Variants in ANKRD28 observed in about 807,000 individuals in gnomAD.
ANKRD28 encodes the protein ankyrin repeat domain 28.
A neutral mutation model predicts 126.5 loss-of-function variants in ANKRD28; 44 were observed. The ratio of observed to expected loss-of-function variants is 0.35; its 90% CI spans 0.27 to 0.45. ANKRD28 has a LOEUF of 0.45. Among genes scored for constraint, ANKRD28 ranks in the 20% least tolerant of loss-of-function variants. The pLI is 1.00. For missense variants in ANKRD28, 1,110 were observed against 1,316.6 expected (o/e 0.84, Z 2.43); for synonymous variants, 442 against 468.5 (o/e 0.94, Z 0.73).
chr3:15,680,543 G>A (rs1334625547), intron 21 of ANKRD28, among the ~76,000 whole-genome samples: 1 of 152,030 alleles, frequency 6.6e-6, no homozygotes, highest in East Asian at 1.9e-4. Flanking sequence ...GAGCTTCACA[G>A]TATCAAAGTA....
At chr3:15,743,550 A>G (rs1208117502) in intron 4 of ANKRD28, among the ~76,000 whole-genome samples, 15 of 54,058 alleles carry the variant, frequency 2.8e-4, no homozygotes, top group African/African-American at 1.2e-3. Context: ...TTTTTAACAC[A>G]CACACACACA....
At chr3:15,714,255 T>C (rs972515419) in intron 9 of ANKRD28, among the ~76,000 whole-genome samples, 6 of 152,124 alleles carry the variant, frequency 3.9e-5, no homozygotes, top group African/African-American at 1.4e-4. Context: ...ATAATGTATA[T>C]ACAGAGTACA....
At position 15,816,693 on chromosome 3, in the gene ANKRD28, A is replaced by G. The variant is rs1016629024; in HGVS notation, c.28-21387T>C. 5.9e-5 allele frequency among the ~76,000 whole-genome samples: 9 copies of G among 152,242 alleles called. No homozygotes were observed. The highest frequency in any genetic ancestry group is 2.2e-4 in the African/African-American group (9 of 41,466). ...AGTTACATGAAACTGAAAAATGTAT[A>G]AGAGCATCTTTTCATATAAAATTAT... On this transcript the variant is annotated intron_variant, in intron 1 of 27. Coordinates refer to the ANKRD28 transcript ENST00000399451. This position sits in a 1 kb window ranked among gnomAD's most constrained non-coding sequence, Gnocchi z 5.0.
intron 15 of ANKRD28, 104 bp downstream of exon 15, chr3:15,696,027 TAAA>T (rs2069498941): frequency 1.2e-6 from 1 of 805,684 alleles, no homozygotes; most frequent in Admixed American, 2.9e-5. Flanking sequence ...CTGAAAATGT[TAAA>T]AAACAAAATG....
At chr3:15,760,200 C>T (rs556790416) in intron 3 of ANKRD28, among the ~76,000 whole-genome samples, 3 of 151,900 alleles carry the variant, frequency 2.0e-5, no homozygotes, top group South Asian at 2.1e-4. Flanking sequence ...AGAGGGTGGA[C>T]GATAAGAGGA....
In ANKRD28 at chr3:15,830,447, T is replaced by G. The variant is rs2061165080; in HGVS notation, c.27+28930A>C. ...CCTGTCAGAGTAGCGCAGCATTAGA[T>G]TCTCATAGGACTGCCAATCCTATTT... On this transcript the variant is annotated intron_variant, in intron 1 of 27. Transcript: ENST00000399451. The surrounding 1 kb of genome is among the most constrained non-coding windows in gnomAD (Gnocchi z 4.5). Among the ~76,000 whole-genome samples, 1 of 152,110 alleles carries G rather than the reference T, an allele frequency of 6.6e-6. No homozygotes were observed. Among genetic ancestry groups the G allele is most frequent in the African/African-American group, 2.4e-5 (1 of 41,416 alleles).
intron 6 of ANKRD28, 110 bp downstream of exon 6, chr3:15,735,300 T>C: frequency 2.3e-6 from 2 of 878,388 alleles, no homozygotes; most frequent in Non-Finnish European, 3.4e-6. Flanking sequence ...TCAGATACTG[T>C]GTAGCTTTTC....
chr3:15,850,204 A>AAAATATATATATATATATAT (rs1486394619), intron 1 of ANKRD28, among the ~76,000 whole-genome samples: 3 of 54,830 alleles, frequency 5.5e-5, no homozygotes, highest in Non-Finnish European at 7.7e-5. Flanking sequence ...AAAAAAAAAA[A>AAAATATATATATATATATAT]ATATATATAT....
intron 2 of ANKRD28, among the ~76,000 whole-genome samples, chr3:15,777,849 T>C (rs1379103460): frequency 4.7e-5 from 5 of 106,136 alleles, no homozygotes; most frequent in Non-Finnish European, 8.2e-5. Context: ...AAAACCAAAC[T>C]ACACACACAC....
chr3:15,770,167 C>T (rs188482909), intron 2 of ANKRD28, among the ~76,000 whole-genome samples: 1 of 152,060 alleles, frequency 6.6e-6, no homozygotes, highest in Admixed American at 6.5e-5. Context: ...GAATGAAGCA[C>T]ATTTTAGAAC....
At chr3:15,754,049 T>C (rs896450473) in intron 3 of ANKRD28, among the ~76,000 whole-genome samples, 1 of 152,234 alleles carries the variant, frequency 6.6e-6, no homozygotes, top group Non-Finnish European at 1.5e-5. Context: ...TACGCTTTAC[T>C]TTTATGTAGA....
At chr3:15,754,038 G>A (rs1429776562) in intron 3 of ANKRD28, among the ~76,000 whole-genome samples, 1 of 152,122 alleles carries the variant, frequency 6.6e-6, no homozygotes, top group Admixed American at 6.5e-5. Flanking sequence ...TGTATGACTA[G>A]TACGCTTTAC....
At chr3:15,826,125 A>G (rs9815740) in intron 1 of ANKRD28, among the ~76,000 whole-genome samples, 124,062 of 152,216 alleles carry the variant, frequency 0.82, 50,702 homozygotes, top group East Asian at 0.93. Context: ...GATACACATT[A>G]TACTAGAATT....
chr3:15,858,005 A>C (rs2061812180), intron 1 of ANKRD28, among the ~76,000 whole-genome samples: 1 of 152,210 alleles, frequency 6.6e-6, no homozygotes, highest in Non-Finnish European at 1.5e-5. Flanking sequence ...AATTAGCAGA[A>C]ATGGTTCCTG....
At chr3:15,672,824 A>G (rs557538482) in intron 27 of ANKRD28, among the ~76,000 whole-genome samples, 7 of 152,320 alleles carry the variant, frequency 4.6e-5, no homozygotes, top group African/African-American at 1.4e-4. Context: ...CACCCAGGCT[A>G]GAGTGCACTG....
At position 15,812,707 on chromosome 3, in the gene ANKRD28, T is replaced by TA. The variant is rs2060741383; in HGVS notation, c.28-17402dup. 6.6e-6 allele frequency among the ~76,000 whole-genome samples: 1 copy of TA among 152,172 alleles called. No individual in the cohort carries two copies. Among genetic ancestry groups the TA allele is most frequent in the African/African-American group, 2.4e-5 (1 of 41,428 alleles). On this transcript the variant is annotated intron_variant, in intron 1 of 27. Coordinates refer to the ANKRD28 transcript ENST00000399451. The surrounding 1 kb of genome is among the most constrained non-coding windows in gnomAD (Gnocchi z 4.1). ...TTAAGCCACAGGCTAGAAAATGGTTTAAAAAGTGTGTGAGGGGGTGAATTT... is the reference window on the plus strand; with the variant it reads ...TTAAGCCACAGGCTAGAAAATGGTTTAAAAAAGTGTGTGAGGGGGTGAATTT...
intron 6 of ANKRD28, 132 bp from the exon 7 acceptor site, chr3:15,724,656 T>A: frequency 5.8e-6 from 5 of 869,330 alleles, no homozygotes; most frequent in Non-Finnish European, 8.5e-6. Flanking sequence ...ATGAATCATG[T>A]TAACTTGAGA....
At chr3:15,712,008 G>T in intron 11 of ANKRD28, 132 bp downstream of exon 11, 1 of 716,662 alleles carries the variant, frequency 1.4e-6, no homozygotes, top group Non-Finnish European at 2.4e-6. Context: ...AACCCAACAC[G>T]TTCTAAAAGG....
intron 1 of ANKRD28, among the ~76,000 whole-genome samples, chr3:15,840,639 T>A (rs1037548226): frequency 1.3e-5 from 2 of 152,130 alleles, no homozygotes; most frequent in African/African-American, 4.8e-5. Flanking sequence ...TGACTTCAAA[T>A]TATGCAACTG....
Sources: gnomAD v4.1 joint callset for allele counts (sites outside exome capture counted in the v4.1 genomes callset) on GRCh38, gnomAD v4.1.1 for gene constraint, Gnocchi (gnomAD v3.1) non-coding constraint, MANE v1.5 for transcripts, NCBI Gene and HGNC (gene_info 2026-07-23, HGNC 2026-07-21) for gene names.